SHCBP1L: variants seen among roughly 807,000 people sequenced by gnomAD.
SHCBP1L encodes the protein testicular spindle-associated protein SHCBP1L.
SHCBP1L carries 67 observed loss-of-function variants against 62.5 expected under a neutral mutation model. The ratio of observed to expected loss-of-function variants is 1.07; its 90% CI spans 0.88 to 1.31. SHCBP1L has a LOEUF of 1.31. Ranked by LOEUF, SHCBP1L falls within the 40% of genes most tolerant of loss-of-function variation. SHCBP1L has a pLI of 0.00. For missense variants in SHCBP1L, 823 were observed against 809.8 expected (o/e 1.02, Z -0.20); for synonymous variants, 284 against 289.4 (o/e 0.98, Z 0.19).
intron 7 of SHCBP1L, among the ~76,000 whole-genome samples, chr1:182,904,740 A>G (rs1222874857): frequency 2.0e-5 from 3 of 148,890 alleles, no homozygotes; most frequent in Non-Finnish European, 4.4e-5. Context: ...TATATAGTAC[A>G]TACATAACTA....
At chr1:182,946,982 A>G (rs920449455) in intron 2 of SHCBP1L, among the ~76,000 whole-genome samples, 3 of 152,292 alleles carry the variant, frequency 2.0e-5, no homozygotes, top group Admixed American at 6.5e-5. Context: ...TACGCCTGTA[A>G]TCTCAGCACT....
At chr1:182,903,002 TCTTA>T (rs1248503106) in intron 9 of SHCBP1L, 33 bp downstream of exon 9, 1 of 1,481,356 alleles carries the variant, frequency 6.8e-7, no homozygotes, top group Non-Finnish European at 9.1e-7. Flanking sequence ...TACTTACAAT[TCTTA>T]TAACAATGCT....
At chr1:182,943,920 G>A (rs1006588428) in intron 2 of SHCBP1L, among the ~76,000 whole-genome samples, 2 of 151,702 alleles carry the variant, frequency 1.3e-5, no homozygotes, top group Admixed American at 6.6e-5. Flanking sequence ...AGGAGTTCAA[G>A]ACAAGCCTGG....
chr1:182,926,755 A>G (rs971477000), intron 6 of SHCBP1L, among the ~76,000 whole-genome samples: 5 of 152,136 alleles, frequency 3.3e-5, no homozygotes, highest in African/African-American at 1.2e-4. Context: ...TGTTTCTCCT[A>G]GATCTGGGAG....
Position 182,940,539 on chromosome 1 carries a change from G to T in SHCBP1L, c.560C>A (p.Thr187Asn). 2.5e-6 allele frequency: 4 copies of T among 1,612,762 alleles called. No homozygotes were observed. The highest frequency in any genetic ancestry group is 3.4e-6 in the Non-Finnish European group (4 of 1,179,244). The change falls in exon 3 of 10, where the codon ACT becomes AAT. Residue 187 changes from threonine to asparagine, a missense_variant. Thr to Asn is a moderately conservative substitution (Grantham distance 65, BLOSUM62 0). Transcript: ENST00000367547. ...TGATGAGTCTTGGTATGGTTCACAAGTTACCTAAGATAAATATCATAAGAG... is the reference window on the plus strand; with the variant it reads ...TGATGAGTCTTGGTATGGTTCACAATTTACCTAAGATAAATATCATAAGAG... ...IPFVGILVEV[T>N]CEPYQDSSSR... is the part of the protein sequence containing the mutation.
In SHCBP1L at chr1:182,952,871, G is replaced by C; in HGVS notation, c.263C>G (p.Ala88Gly). 6.3e-7 allele frequency: 1 copy of C among 1,587,392 alleles called. No individual in the cohort carries two copies. Among genetic ancestry groups the C allele is most frequent in the South Asian group, 1.1e-5 (1 of 88,486 alleles). ...CACTGGCAGCAGGGGCTCCTCCGCCGCCGCCGCCGCCGCCTCTCCCGTGTC... is the reference window on the plus strand; with the variant it reads ...CACTGGCAGCAGGGGCTCCTCCGCCCCCGCCGCCGCCGCCTCTCCCGTGTC... ...AEDTGEAAAA[A>G]AEEPLLPVPE... The change falls in exon 1 of 10, where the codon GCG becomes GGG. Residue 88 changes from alanine to glycine, a missense_variant. Coordinates refer to ENST00000367547, the MANE Select transcript of SHCBP1L (RefSeq NM_030933.4).
intron 2 of SHCBP1L, among the ~76,000 whole-genome samples, chr1:182,947,353 G>C (rs1015696350): frequency 6.6e-6 from 1 of 151,904 alleles, no homozygotes. Context: ...CCACATTTCC[G>C]ATTTTCATAG....
At chr1:182,920,621 G>A (rs1650499701) in intron 6 of SHCBP1L, among the ~76,000 whole-genome samples, 1 of 152,102 alleles carries the variant, frequency 6.6e-6, no homozygotes, top group Admixed American at 6.5e-5. Flanking sequence ...AGATCATCAA[G>A]ATTTAGGAGA....
intron 6 of SHCBP1L, among the ~76,000 whole-genome samples, chr1:182,909,865 A>G (rs919120110): frequency 3.3e-5 from 5 of 152,216 alleles, no homozygotes; most frequent in African/African-American, 9.6e-5. Flanking sequence ...ACGTGACCAC[A>G]ACAGCATTTT....
At chr1:182,913,440 C>A (rs1650252368) in intron 6 of SHCBP1L, among the ~76,000 whole-genome samples, 1 of 152,174 alleles carries the variant, frequency 6.6e-6, no homozygotes, top group Admixed American at 6.5e-5. Context: ...AGGGAGAAAG[C>A]CCCACATATT....
chr1:182,926,443 G>A (rs1024430698), intron 6 of SHCBP1L, among the ~76,000 whole-genome samples: 1 of 152,108 alleles, frequency 6.6e-6, no homozygotes, highest in South Asian at 2.1e-4. Context: ...AATATCAGTT[G>A]ACATTTATTT....
chr1:182,924,709 A>AAAGGAAGGG (rs1557996596), intron 6 of SHCBP1L, among the ~76,000 whole-genome samples: 8 of 43,398 alleles, frequency 1.8e-4, no homozygotes, highest in East Asian at 1.0e-3. Context: ...AGGAAGAAAG[A>AAAGGAAGGG]AAGAAAGAAA....
chr1:182,931,943 ATTTT>A (rs1164377476), intron 5 of SHCBP1L, among the ~76,000 whole-genome samples: 74 of 69,670 alleles, frequency 1.1e-3, no homozygotes, highest in African/African-American at 4.4e-3. Flanking sequence ...GGAACCACTG[ATTTT>A]TTTTTTTTTT....
intron 6 of SHCBP1L, among the ~76,000 whole-genome samples, chr1:182,926,110 C>T (rs1039540059): frequency 6.6e-6 from 1 of 152,090 alleles, no homozygotes; most frequent in Admixed American, 6.5e-5. Context: ...AGGAACCAGA[C>T]AGATGTACAC....
intron 6 of SHCBP1L, among the ~76,000 whole-genome samples, chr1:182,918,376 TGAAAA>T (rs1453324292): frequency 6.6e-6 from 1 of 151,442 alleles, no homozygotes; most frequent in Non-Finnish European, 1.5e-5. Context: ...ATGAACAATC[TGAAAA>T]GAAAATTAAG....
intron 6 of SHCBP1L, among the ~76,000 whole-genome samples, chr1:182,924,699 A>AGGAAAGGAAG (rs1557996529): frequency 2.0e-5 from 2 of 98,000 alleles, no homozygotes; most frequent in African/African-American, 5.2e-5. Context: ...AGGAAAGGAA[A>AGGAAAGGAAG]GGAAGAAAGA....
intron 6 of SHCBP1L, among the ~76,000 whole-genome samples, chr1:182,929,191 A>G (rs535410978): frequency 1.3e-5 from 2 of 152,296 alleles, no homozygotes; most frequent in East Asian, 3.9e-4. Flanking sequence ...TATTTCTTCT[A>G]TTCAGCATTT....
At chr1:182,939,636 T>TA in intron 3 of SHCBP1L, 83 bp from the exon 4 acceptor site, 5 of 998,142 alleles carry the variant, frequency 5.0e-6, no homozygotes, top group Non-Finnish European at 7.3e-6. Context: ...GATGTCAGAA[T>TA]TCTCTACCTC....
intron 8 of SHCBP1L, 127 bp downstream of exon 8, chr1:182,904,053 A>T (rs367895045): frequency 8.8e-7 from 1 of 1,141,436 alleles, no homozygotes. Context: ...GATGTCTACC[A>T]GTTACTAAGT....
Sources: allele counts gnomAD v4.1 joint callset (sites outside exome capture counted in the v4.1 genomes callset), GRCh38; gene constraint gnomAD v4.1.1; transcripts MANE v1.5; gene names NCBI Gene and HGNC (gene_info 2026-07-23, HGNC 2026-07-21).